Variants in DCDC2 observed in about 807,000 individuals in gnomAD.
DCDC2 encodes doublecortin domain-containing protein 2.
In DCDC2, 40 loss-of-function variants were observed where a neutral mutation model predicts 50.2. That is an observed-to-expected ratio of 0.80 (90% confidence interval 0.62 to 1.04). DCDC2 has a LOEUF of 1.04. Ranked by LOEUF, DCDC2 falls within the 50% of genes least tolerant of loss-of-function variation. The pLI is 0.00. For synonymous variants in DCDC2, 234 were observed against 210.6 expected, an observed-to-expected ratio of 1.11 and a Z score of -0.96; for missense variants, 570 against 581.9, an observed-to-expected ratio of 0.98 and a Z score of 0.21.
At position 24,301,296 on chromosome 6, in the gene DCDC2, G is replaced by A. The variant is rs548316152; in HGVS notation, c.557+419C>T. Among the ~76,000 whole-genome samples, 40 of 150,888 alleles carry A rather than the reference G, an allele frequency of 2.7e-4. No individual in the cohort carries two copies. In the South Asian group the frequency reaches 5.3e-3, roughly 20 times the overall value. Reference sequence around the variant, plus strand: ...TGAGGCAGGAGAATGGCGTGAACCCGGGAGGCGGAGCTTGCAGTGAGCTGA... The same window carrying A: ...TGAGGCAGGAGAATGGCGTGAACCCAGGAGGCGGAGCTTGCAGTGAGCTGA... On this transcript the variant is annotated intron_variant, in intron 4 of 9. Transcript: ENST00000378454.
At chr6:24,305,890 G>A (rs1385709001) in intron 2 of DCDC2, among the ~76,000 whole-genome samples, 4 of 152,012 alleles carry the variant, frequency 2.6e-5, no homozygotes, top group Admixed American at 2.6e-4. Flanking sequence ...TTATCTGGGC[G>A]TGGTGGTATG....
intron 4 of DCDC2, among the ~76,000 whole-genome samples, chr6:24,296,306 T>C (rs1339699924): frequency 6.6e-6 from 1 of 152,092 alleles, no homozygotes; most frequent in Non-Finnish European, 1.5e-5. Context: ...TCCTTCCTTA[T>C]ACCATACACA....
At chr6:24,281,768 G>C (rs1228903747) in intron 6 of DCDC2, among the ~76,000 whole-genome samples, 1 of 151,974 alleles carries the variant, frequency 6.6e-6, no homozygotes, top group Non-Finnish European at 1.5e-5. Context: ...TAAGAGATAG[G>C]GGAGTTTTGC....
intron 7 of DCDC2, among the ~76,000 whole-genome samples, chr6:24,258,121 T>C (rs1223632826): frequency 2.0e-5 from 3 of 152,126 alleles, no homozygotes; most frequent in African/African-American, 4.8e-5. Flanking sequence ...ACTTCAAAAA[T>C]GACGCCACTG....
chr6:24,301,896 C>T (rs1280398854), intron 3 of DCDC2, 50 bp from the exon 4 acceptor site: 3 of 1,613,036 alleles, frequency 1.9e-6, no homozygotes, highest in African/African-American at 1.3e-5. Context: ...TTGAAAACTA[C>T]AACACAAATT....
intron 7 of DCDC2, among the ~76,000 whole-genome samples, chr6:24,256,644 T>C (rs1201453294): frequency 6.6e-6 from 1 of 152,182 alleles, no homozygotes; most frequent in Admixed American, 6.5e-5. Flanking sequence ...AGCTAACAAT[T>C]GTCCCTTTAT....
chr6:24,205,283 T>A, intron 7 of DCDC2, 181 bp from the exon 8 acceptor site: 1 of 1,551,566 alleles, frequency 6.4e-7, no homozygotes, highest in African/African-American at 1.4e-5. Context: ...CACATTTTCA[T>A]TGAGAAAACA....
At chr6:24,256,776 A>T (rs191003092) in intron 7 of DCDC2, among the ~76,000 whole-genome samples, 2 of 152,194 alleles carry the variant, frequency 1.3e-5, no homozygotes, top group Admixed American at 6.5e-5. Flanking sequence ...GGAAAATCCG[A>T]TATCATGTAG....
chr6:24,289,113 C>G (rs577133777), intron 5 of DCDC2, among the ~76,000 whole-genome samples: 5 of 152,262 alleles, frequency 3.3e-5, no homozygotes, highest in African/African-American at 9.6e-5. Flanking sequence ...GTAATGTTTT[C>G]CTGTATAATA....
chr6:24,305,928 T>A (rs3846831), intron 2 of DCDC2, among the ~76,000 whole-genome samples: 73,635 of 151,898 alleles, frequency 0.48, 20,474 homozygotes, highest in Non-Finnish European at 0.6. Flanking sequence ...ACTTGGAAGC[T>A]GAGGGATGAG....
intron 7 of DCDC2, among the ~76,000 whole-genome samples, chr6:24,212,622 C>T (rs1283372203): frequency 1.3e-5 from 2 of 152,208 alleles, no homozygotes; most frequent in African/African-American, 4.8e-5. Flanking sequence ...ATACACAATA[C>T]TGCTCTCATT....
chr6:24,315,702 GAGA>G (rs1284768023), intron 2 of DCDC2, among the ~76,000 whole-genome samples: 1 of 152,286 alleles, frequency 6.6e-6, no homozygotes, highest in East Asian at 1.9e-4. Context: ...GTGCAGTAGG[GAGA>G]AGGAGGAAAG....
the DCDC2 span, among the ~76,000 whole-genome samples, chr6:24,364,044 G>A: frequency 6.6e-6 from 1 of 151,760 alleles, no homozygotes; most frequent in Admixed American, 6.6e-5. Flanking sequence ...TTGTACCATC[G>A]CTTCCTTTAA....
chr6:24,358,813 TAAATA>T (rs1561788245), upstream of DCDC2, among the ~76,000 whole-genome samples: 12 of 31,604 alleles, frequency 3.8e-4, no homozygotes, highest in African/African-American at 1.1e-3. Context: ...ATATTATATA[TAAATA>T]TATATATTAT....
chr6:24,186,123 G>C (rs1761197862), intron 8 of DCDC2, among the ~76,000 whole-genome samples: 1 of 152,168 alleles, frequency 6.6e-6, no homozygotes, highest in African/African-American at 2.4e-5. Context: ...ATTAATACTT[G>C]CAGAAGTAAT....
Position 24,178,401 on chromosome 6 carries a change from C to A in DCDC2, c.1255G>T (p.Val419Phe), listed in dbSNP as rs748591010. Residue 419 changes from valine (V) to phenylalanine (F), a missense_variant, in exon 9 of 10, where the codon GTT becomes TTT. By Grantham distance (50) the Val-to-Phe change is conservative. Coordinates refer to ENST00000378454, the MANE Select transcript of DCDC2 (RefSeq NM_016356.5). ...AGGACCAGTTGAAGCTCATTATTAA[C>A]CTGCTGCAGCTCCTCACCATTCTCC... ...DEENGEELQQ[V>F]NNELQLVLDK... 1.9e-6 allele frequency: 3 copies of A among 1,614,062 alleles called. No individual in the cohort carries two copies. The highest frequency in any genetic ancestry group is 2.5e-6 in the Non-Finnish European group (3 of 1,180,054).
intron 6 of DCDC2, among the ~76,000 whole-genome samples, chr6:24,279,288 G>A (rs954969569): frequency 6.6e-6 from 1 of 152,144 alleles, no homozygotes; most frequent in Admixed American, 6.5e-5. Context: ...AGGATCATTT[G>A]AGGTCAGGAG....
intron 6 of DCDC2, among the ~76,000 whole-genome samples, chr6:24,279,077 A>G (rs1030107256): frequency 6.6e-6 from 1 of 152,092 alleles, no homozygotes; most frequent in African/African-American, 2.4e-5. Flanking sequence ...GCTCCTCCAC[A>G]CAAAAGGGAG....
At chr6:24,178,170 A>T (rs1760968127) in intron 9 of DCDC2, among the ~76,000 whole-genome samples, 160 bp downstream of exon 9, 2 of 152,222 alleles carry the variant, frequency 1.3e-5, no homozygotes, top group Admixed American at 6.5e-5. Flanking sequence ...TGGTTGAAAT[A>T]ACTAGTAAGT....
Sources: allele counts gnomAD v4.1 joint callset (sites outside exome capture counted in the v4.1 genomes callset), GRCh38; gene constraint gnomAD v4.1.1; transcripts MANE v1.5; gene names NCBI Gene and HGNC (gene_info 2026-07-23, HGNC 2026-07-21).